The following DMD variants were observed in gnomAD, a reference collection of about 807,000 sequenced individuals.
DMD encodes the protein mutant dystrophin.
In DMD, 63 loss-of-function variants were observed where a neutral mutation model predicts 330.1. That is an observed-to-expected ratio of 0.19 (90% CI 0.16 to 0.24). The LOEUF (loss-of-function observed/expected upper bound fraction) is 0.24, where lower values mean the gene tolerates loss of function less well. DMD is among the 10% of genes least tolerant of loss of function. The pLI is 1.00. For missense variants in DMD, 3,344 were observed against 2,684.1 expected, an observed-to-expected ratio of 1.25 and a Z score of -5.43; for synonymous variants, 1,223 against 959.8, an observed-to-expected ratio of 1.27 and a Z score of -5.07.
chrX:32,179,845 C>T (rs748308022), intron 44 of DMD, among the ~76,000 whole-genome samples: 6 of 111,582 alleles, frequency 5.4e-5, no homozygotes, highest in South Asian at 3.8e-4. Context: ...TTCCTGCACA[C>T]GCTCTTGCCT....
chrX:33,047,629 G>T (rs2094401069), intron 1 of DMD, among the ~76,000 whole-genome samples: 1 of 111,858 alleles, frequency 8.9e-6, no homozygotes. Flanking sequence ...GGAAACAAAT[G>T]AATTATTTTT....
chrX:31,470,076 T>C lies in DMD; in HGVS notation c.8937+8030A>G, dbSNP rs970926860. On this transcript the variant is annotated intron_variant, in intron 59 of 78. Transcript: ENST00000357033. ...ATTCTAGTTAGCAATTCCTCTAACC[T>C]TTTTTTTAAGGTTCTTAGCTTCCTT... Among the ~76,000 whole-genome samples, 9 of 110,433 alleles carry C rather than the reference T, an allele frequency of 8.1e-5. No individual in the cohort carries two copies. The Admixed American group carries it at 8.7e-4, about 11-fold the overall frequency.
At chrX:31,781,244 A>C (rs2090993803) in intron 50 of DMD, among the ~76,000 whole-genome samples, 1 of 111,914 alleles carries the variant, frequency 8.9e-6, no homozygotes, top group Non-Finnish European at 1.9e-5. Flanking sequence ...CTTGTTCAGG[A>C]TCTCACATTA....
chrX:32,480,441 G>C (rs1475692132), intron 21 of DMD, among the ~76,000 whole-genome samples: 1 of 104,492 alleles, frequency 9.6e-6, no homozygotes, highest in Non-Finnish European at 1.9e-5. Context: ...GTGTCTATGT[G>C]TGTACATACA....
intron 44 of DMD, among the ~76,000 whole-genome samples, chrX:32,018,233 CT>C (rs780688162): frequency 9.0e-6 from 1 of 111,546 alleles, no homozygotes; most frequent in East Asian, 2.8e-4. Context: ...CCCATCCCAC[CT>C]TTTTCAAAAG....
At chrX:31,437,749 T>A (rs1195390040) in intron 60 of DMD, among the ~76,000 whole-genome samples, 1 of 109,003 alleles carries the variant, frequency 9.2e-6, no homozygotes, top group Non-Finnish European at 1.9e-5. Flanking sequence ...CAACATGTAA[T>A]CAATATAAAA....
At chrX:31,190,643 A>G (rs1224702601) in intron 67 of DMD, among the ~76,000 whole-genome samples, 1 of 80,831 alleles carries the variant, frequency 1.2e-5, no homozygotes, top group African/African-American at 4.9e-5. Context: ...TGCTACTAGC[A>G]TTTAGTAGAT....
intron 1 of DMD, among the ~76,000 whole-genome samples, chrX:33,047,445 A>C (rs1442462611): frequency 2.7e-5 from 3 of 111,761 alleles, no homozygotes; most frequent in Non-Finnish European, 5.6e-5. Context: ...TAAATATGGC[A>C]AGCCCTCCAG....
At chrX:31,483,040 C>CTTTT (rs375059694) in intron 57 of DMD, among the ~76,000 whole-genome samples, 31 of 70,749 alleles carry the variant, frequency 4.4e-4, no homozygotes, top group Non-Finnish European at 5.6e-4. Context: ...GGAAATGGAT[C>CTTTT]TTTTTTTTTT....
At chrX:31,428,444 G>A (rs919671411) in intron 60 of DMD, among the ~76,000 whole-genome samples, 1 of 111,996 alleles carries the variant, frequency 8.9e-6, no homozygotes, top group Non-Finnish European at 1.9e-5. Context: ...GCAGAACCAT[G>A]AGCCAATGAA....
intron 11 of DMD, among the ~76,000 whole-genome samples, chrX:32,631,046 G>T (rs1211040084): frequency 8.9e-6 from 1 of 111,920 alleles, no homozygotes; most frequent in African/African-American, 3.3e-5. Context: ...ATATGCACTG[G>T]GGTGCACCCA....
At chrX:31,473,380 TA>T (rs1484088954) in intron 59 of DMD, among the ~76,000 whole-genome samples, 1 of 84,773 alleles carries the variant, frequency 1.2e-5, no homozygotes, top group Admixed American at 1.3e-4. Context: ...AAAAAAAAAT[TA>T]AAAAAAGAGA....
At chrX:31,242,698 A>ATGTGTGTGTG (rs1491232873) in intron 63 of DMD, among the ~76,000 whole-genome samples, 2 of 66,990 alleles carry the variant, frequency 3.0e-5, no homozygotes, top group East Asian at 4.7e-4. Flanking sequence ...CAACAATAAG[A>ATGTGTGTGTG]TATGTGTGTG....
Position 32,148,029 on chromosome X carries a change from T to C in DMD, c.6438+68887A>G, listed in dbSNP as rs777053735. On this transcript the variant is annotated intron_variant, in intron 44 of 78. Coordinates refer to ENST00000357033, the MANE Select transcript of DMD (RefSeq NM_004006.3). ...AGTAGCTGGGACTACAGGCACCCAC[T>C]ACCACGCCAGGCTAATTTTTTATAT... Among the ~76,000 whole-genome samples the C allele has an allele frequency of 2.8e-5, 3 of 108,851 alleles. No homozygotes were observed. In the East Asian group the frequency reaches 8.7e-4, roughly 32 times the overall value. 94.5% of individuals were successfully genotyped at this position (108,851 alleles called of 115,157 possible).
intron 2 of DMD, among the ~76,000 whole-genome samples, chrX:32,904,327 G>T (rs781589615): frequency 9.0e-6 from 1 of 111,571 alleles, no homozygotes; most frequent in Non-Finnish European, 1.9e-5. Context: ...CCCCTTTCAA[G>T]TCATGTCTCC....
At chrX:32,182,631 AT>A (rs1461394103) in intron 44 of DMD, among the ~76,000 whole-genome samples, 1 of 111,471 alleles carries the variant, frequency 9.0e-6, no homozygotes, top group African/African-American at 3.3e-5. Context: ...TATTAATAAG[AT>A]TTTTTTATAC....
At chrX:32,091,314 CTT>C (rs771497555) in intron 44 of DMD, among the ~76,000 whole-genome samples, 3 of 111,558 alleles carry the variant, frequency 2.7e-5, no homozygotes, top group African/African-American at 9.7e-5. Context: ...TACATAGAAA[CTT>C]ATATATTTTT....
intron 15 of DMD, among the ~76,000 whole-genome samples, chrX:32,572,174 A>G (rs984157915): frequency 2.7e-5 from 3 of 111,931 alleles, no homozygotes; most frequent in Non-Finnish European, 5.6e-5. Context: ...TGTAATAACA[A>G]GTAATACATA....
chrX:33,185,125 C>A (rs2050192318), intron 1 of DMD, among the ~76,000 whole-genome samples: 1 of 110,809 alleles, frequency 9.0e-6, no homozygotes, highest in African/African-American at 3.3e-5. Context: ...CAAAAATAAT[C>A]TATTGTATCT....
Sources: gnomAD v4.1 joint callset for allele counts (sites outside exome capture counted in the v4.1 genomes callset) on GRCh38, gnomAD v4.1.1 for gene constraint, MANE v1.5 for transcripts, NCBI Gene and HGNC (gene_info 2026-07-23, HGNC 2026-07-21) for gene names.